The following KRT24 variants were observed in gnomAD, a reference collection of about 807,000 sequenced individuals.
The protein encoded by KRT24 is keratin, type I cytoskeletal 24.
KRT24 carries 44 observed loss-of-function variants against 51.7 expected under a neutral mutation model. That is an observed-to-expected ratio of 0.85 (90% CI 0.67 to 1.09). KRT24 has a LOEUF of 1.09. Among genes scored for constraint, KRT24 ranks in the 50% least tolerant of loss-of-function variants. The pLI, the probability that KRT24 is intolerant of heterozygous loss-of-function variation, is 0.00. For synonymous variants in KRT24, 241 were observed against 249.5 expected, an observed-to-expected ratio of 0.97 and a Z score of 0.32; for missense variants, 633 against 647.0, an observed-to-expected ratio of 0.98 and a Z score of 0.24.
In KRT24 at chr17:40,703,156, C is replaced by G; in HGVS notation, c.538G>C (p.Gly180Arg). 1 of 1,614,098 alleles carries G rather than the reference C, an allele frequency of 6.2e-7. No homozygotes were observed. The highest frequency in any genetic ancestry group is 1.3e-5 in the African/African-American group (1 of 75,026). Residue 180 changes from glycine (G) to arginine (R), a missense_variant, in exon 1 of 8, where the codon GGG becomes CGG. Coordinates refer to ENST00000264651, the MANE Select transcript of KRT24 (RefSeq NM_019016.3). ...GATCCACCGTCTCCAGACCCAGGCC[C>G]ATATTTGTCATACCACTCCTTGATT... ...NKIKEWYDKY[G>R]PGSGDGGSGR...
chr17:40,703,682 C>G lies in KRT24; in HGVS notation c.12G>C (p.Ser4=), dbSNP rs200666898. MSC[S]SRASSSRAGG... ...CAGCCCTGGAGGAGGAGGCGCGAGA[C>G]GAGCAAGACATGGTGCTCCTGCAAA... The change falls in exon 1 of 8, where the codon TCG becomes TCC. Residue 4 remains serine, a synonymous_variant. Transcript: ENST00000264651. The G allele has an allele frequency of 6.4e-7, 1 of 1,566,252 alleles. No individual in the cohort carries two copies. Among genetic ancestry groups the G allele is most frequent in the African/African-American group, 1.4e-5 (1 of 73,430 alleles).
At chr17:40,699,703 T>C in intron 5 of KRT24, 42 bp from the exon 6 acceptor site, 1 of 1,546,838 alleles carries the variant, frequency 6.5e-7, no homozygotes, top group Non-Finnish European at 8.9e-7. Flanking sequence ...TGAAAATAAA[T>C]CATTGGATGA....
intron 3 of KRT24, 76 bp downstream of exon 3, chr17:40,701,064 A>G: frequency 2.0e-6 from 3 of 1,484,438 alleles, no homozygotes; most frequent in Non-Finnish European, 2.8e-6. Context: ...CACCCAGCCA[A>G]TTTTATTTGT....
In KRT24 at chr17:40,703,371, C is replaced by T; in HGVS notation, c.323G>A (p.Ser108Asn). The change falls in exon 1 of 8, where the codon AGT becomes AAT. Residue 108 changes from serine (S) to asparagine (N), a missense_variant. Physicochemically the swap from Ser to Asn is conservative, Grantham distance 46 (BLOSUM62 1). Transcript: ENST00000264651. ...AGTAGCACCACTGCTGAATCTAGAA[C>T]TCCCACAGAATCCAGAACCCCTGCC... The part of the protein sequence containing the change: ...GFGRGSGFCG[S>N]SRFSSGATGG... The T allele has an allele frequency of 2.5e-6, 4 of 1,613,858 alleles. No homozygotes were observed.
intron 3 of KRT24, 117 bp from the exon 4 acceptor site, chr17:40,700,500 A>C: frequency 1.4e-6 from 1 of 738,280 alleles, no homozygotes; most frequent in Non-Finnish European, 2.2e-6. Flanking sequence ...AAAAAAATCA[A>C]ATCTAGGTAT....
At chr17:40,698,773 G>T in intron 6 of KRT24, 123 bp from the exon 7 acceptor site, 1 of 655,184 alleles carries the variant, frequency 1.5e-6, no homozygotes, top group Non-Finnish European at 2.7e-6. Flanking sequence ...GATTGTGTCT[G>T]CTGCTTTTTT....
chr17:40,702,166 G>A (rs1292964530), intron 1 of KRT24, among the ~76,000 whole-genome samples: 1 of 151,992 alleles, frequency 6.6e-6, no homozygotes, highest in Non-Finnish European at 1.5e-5. Context: ...TGAGTAGCTG[G>A]GATTACAGGG....
intron 2 of KRT24, 129 bp from the exon 3 acceptor site, chr17:40,701,425 G>C (rs1367577613): frequency 1.6e-6 from 1 of 632,222 alleles, no homozygotes. Context: ...AGGTTATTAA[G>C]TTTTCTCTTG....
At chr17:40,701,765 A>C in intron 2 of KRT24, 86 bp downstream of exon 2, 1 of 45,822 alleles carries the variant, frequency 2.2e-5, no homozygotes, top group Non-Finnish European at 4.2e-5. Context: ...ATATATATAT[A>C]TATATATATA....
intron 3 of KRT24, 90 bp from the exon 4 acceptor site, chr17:40,700,473 G>A: frequency 1.1e-6 from 1 of 915,696 alleles, no homozygotes; most frequent in African/African-American, 1.7e-5. Context: ...TTGAAAGTAG[G>A]ACACTGAAAG....
rs1567862365 is a variant in KRT24 at position 40,700,395 on chromosome 17, G to C, written c.856-12C>G. 1 of 1,590,646 alleles carries C rather than the reference G, an allele frequency of 6.3e-7. No homozygotes were observed. The highest frequency in any genetic ancestry group is 1.8e-5 in the Admixed American group (1 of 56,332). On this transcript the variant is annotated splice_polypyrimidine_tract_variant and intron_variant, in intron 3 of 7. Coordinates refer to ENST00000264651, the MANE Select transcript of KRT24 (RefSeq NM_019016.3). ...ATATTCTTCATTTCCTAGCATGAAG[G>C]AAAAAAGACTATCGTGATGCAAACA...
At position 40,700,268 on chromosome 17, in the gene KRT24, A is replaced by G. The variant is rs959920280; in HGVS notation, c.971T>C (p.Leu324Pro). ...AGCCTCTCGGCGGTTTTGCTCAGCC[A>G]GCTCCTCGTACTGCGCCCTCATGTC... is the stretch of plus-strand genomic sequence containing the variant. ...LNDMRAQYEE[L>P]AEQNRREAEE... Residue 324 changes from leucine to proline, a missense_variant, in exon 4 of 8, where the codon CTG becomes CCG. Coordinates refer to ENST00000264651, the MANE Select transcript of KRT24 (RefSeq NM_019016.3). 1.2e-6 allele frequency: 2 copies of G among 1,614,132 alleles called. No homozygotes were observed. The highest frequency in any genetic ancestry group is 1.7e-6 in the Non-Finnish European group (2 of 1,180,022).
chr17:40,701,989 A>G (rs2037689241), intron 1 of KRT24, 56 bp from the exon 2 acceptor site: 2 of 882,052 alleles, frequency 2.3e-6, no homozygotes, highest in Admixed American at 2.0e-5. Flanking sequence ...TTGTGTCTGC[A>G]TGCCTACTTG....
chr17:40,703,231 G>T lies in KRT24; in HGVS notation c.463C>A (p.Leu155Ile). The T allele has an allele frequency of 6.2e-7, 1 of 1,614,054 alleles. No individual in the cohort carries two copies. Among genetic ancestry groups the T allele is most frequent in the Non-Finnish European group, 8.5e-7 (1 of 1,180,006 alleles). ...TCCTCCAGGGCTCTGACCTTGTCTAGGTAATTGGCCAAGCGGTCATTGAGG... is the reference window on the plus strand; with the variant it reads ...TCCTCCAGGGCTCTGACCTTGTCTATGTAATTGGCCAAGCGGTCATTGAGG... ...QNLNDRLANY[L>I]DKVRALEEAN... The change falls in exon 1 of 8, where the codon CTA (leucine) becomes ATA (isoleucine). Residue 155 changes from leucine (L) to isoleucine (I), a missense_variant. Coordinates refer to ENST00000264651, the MANE Select transcript of KRT24 (RefSeq NM_019016.3).
At chr17:40,698,699 AG>A (rs1446662290) in intron 6 of KRT24, 49 bp from the exon 7 acceptor site, 1 of 927,368 alleles carries the variant, frequency 1.1e-6, no homozygotes, top group Non-Finnish European at 1.8e-6. Context: ...CAAAGGCAGG[AG>A]AAAGCCTCCG....
chr17:40,700,678 C>T (rs2037666530), intron 3 of KRT24, among the ~76,000 whole-genome samples: 1 of 151,994 alleles, frequency 6.6e-6, no homozygotes, highest in African/African-American at 2.4e-5. Context: ...ACTGCAAACT[C>T]CGCCTCCCCA....
chr17:40,701,327 C>G (rs569516167), intron 2 of KRT24, 31 bp from the exon 3 acceptor site: 133 of 1,601,826 alleles, frequency 8.3e-5, no homozygotes, highest in Admixed American at 4.4e-4. Context: ...GCAAAAAATA[C>G]TGTGAGCTCA....
Position 40,699,522 on chromosome 17 carries a change from T to C in KRT24, c.1283A>G (p.Tyr428Cys), listed in dbSNP as rs1295641703. The C allele has an allele frequency of 3.7e-6, 6 of 1,613,864 alleles. No individual in the cohort carries two copies. The African/African-American group carries it at 6.7e-5, about 18-fold the overall frequency. The change falls in exon 6 of 8, where the codon TAC becomes TGC. Residue 428 changes from tyrosine (Y) to cysteine (C), a missense_variant. Tyr to Cys is a radical substitution (Grantham distance 194, BLOSUM62 -2). Transcript: ENST00000264651. ...WGETKCQNAEYKQLLDIKTRL... is the reference protein window; with the variant it reads ...WGETKCQNAECKQLLDIKTRL... ...TGTCTTGATGTCCAGCAATTGCTTGTACTCTGCGTTCTGGCATTTAGTCTC... is the reference window on the plus strand; with the variant it reads ...TGTCTTGATGTCCAGCAATTGCTTGCACTCTGCGTTCTGGCATTTAGTCTC...
At position 40,699,446 on chromosome 17, in the gene KRT24, T is replaced by A. The variant is rs751991381; in HGVS notation, c.1359A>T (p.Gly453=). The A allele has an allele frequency of 2.5e-6, 4 of 1,613,578 alleles. No individual in the cohort carries two copies. Residue 453 remains glycine, a splice_region_variant and synonymous_variant, in exon 6 of 8, where the codon GGA becomes GGT. Coordinates refer to ENST00000264651, the MANE Select transcript of KRT24 (RefSeq NM_019016.3). Reference sequence around the variant, plus strand: ...GTTTGTTCATGACTTTGGTTTACCCTCCCTCTCCATCGAGCAGGCGGCGGT... The same window carrying A: ...GTTTGTTCATGACTTTGGTTTACCCACCCTCTCCATCGAGCAGGCGGCGGT... The part of the protein sequence containing the change: ...ETYRRLLDGE[G]GGSSFAEFGG...
Sources: gnomAD v4.1 joint callset for allele counts (sites outside exome capture counted in the v4.1 genomes callset) on GRCh38, gnomAD v4.1.1 for gene constraint, MANE v1.5 for transcripts, NCBI Gene and HGNC (gene_info 2026-07-23, HGNC 2026-07-21) for gene names.